GPR39: variants seen among roughly 807,000 people sequenced by gnomAD.
The protein encoded by GPR39 is G protein-coupled receptor 39.
In GPR39, 23 loss-of-function variants were observed where a neutral mutation model predicts 18.4. That is an observed-to-expected ratio of 1.25 (90% confidence interval 0.90 to 1.77). The LOEUF is 1.77. GPR39 is among the 40% of genes most tolerant of loss of function. The pLI, the probability that GPR39 is intolerant of heterozygous loss-of-function variation, is 0.00. For missense variants in GPR39, 647 were observed against 602.4 expected (o/e 1.07, Z -0.78); for synonymous variants, 280 against 257.9 (o/e 1.09, Z -0.82).
intron 1 of GPR39, among the ~76,000 whole-genome samples, chr2:132,522,264 T>G (rs1487692389): frequency 6.6e-6 from 1 of 152,098 alleles, no homozygotes; most frequent in East Asian, 1.9e-4. Flanking sequence ...AACTCATAAT[T>G]TTTCCTCTAA....
At chr2:132,553,204 C>A (rs1044270761) in intron 1 of GPR39, among the ~76,000 whole-genome samples, 1 of 151,556 alleles carries the variant, frequency 6.6e-6, no homozygotes, top group Non-Finnish European at 1.5e-5. Context: ...TGAGCCACCA[C>A]GCCCAGCCAC....
At chr2:132,620,547 C>G (rs911225104) in intron 1 of GPR39, among the ~76,000 whole-genome samples, 9 of 152,268 alleles carry the variant, frequency 5.9e-5, no homozygotes, top group Non-Finnish European at 8.8e-5. Flanking sequence ...CTCCTTCCCC[C>G]CTGCGTGGCT....
At chr2:132,517,775 A>G (rs1336435046) in intron 1 of GPR39, among the ~76,000 whole-genome samples, 3 of 152,242 alleles carry the variant, frequency 2.0e-5, no homozygotes, top group Admixed American at 1.3e-4. Context: ...ACCTCTTGCC[A>G]GGATTCTTGG....
rs141264993 is a variant in GPR39 at position 132,448,505 on chromosome 2, C to G, written c.856+30607C>G. On this transcript the variant is annotated intron_variant, in intron 1 of 1. Transcript: ENST00000329321. The stretch of plus-strand genomic sequence containing the variant: ...GTCGTCAGGTTACTGGGTGCTGACC[C>G]CTGGGATTTGTCAAACACACGTCAG... Among the ~76,000 whole-genome samples the G allele has an allele frequency of 3.2e-3, 491 of 152,266 alleles. 6 individuals are homozygous for G. Among genetic ancestry groups the G allele is most frequent in the African/African-American group, 0.011 (464 of 41,550 alleles).
At chr2:132,522,977 G>T (rs1679450790) in intron 1 of GPR39, among the ~76,000 whole-genome samples, 2 of 151,946 alleles carry the variant, frequency 1.3e-5, no homozygotes. Context: ...TGGAAGCCCT[G>T]GGGGACGAGG....
chr2:132,493,369 ATATATATACACACCG>A (rs1286604033), intron 1 of GPR39, among the ~76,000 whole-genome samples: 2 of 144,676 alleles, frequency 1.4e-5, no homozygotes, highest in South Asian at 2.1e-4. Context: ...TATATACACT[ATATATATACACACCG>A]TATATATACA....
chr2:132,645,271 C>G lies in GPR39; in HGVS notation c.1027C>G (p.Leu343Val), dbSNP rs1236717526. ...CCTCAGCTCGGTCATCAACCCGCTCCTGTACACGGTGTCCTCGCAGCAGTT... is the reference window on the plus strand; with the variant it reads ...CCTCAGCTCGGTCATCAACCCGCTCGTGTACACGGTGTCCTCGCAGCAGTT... ...FYLSSVINPL[L>V]YTVSSQQFRR... The change falls in exon 2 of 2, where the codon CTG becomes GTG. Residue 343 changes from leucine to valine, a missense_variant. Coordinates refer to ENST00000329321, the MANE Select transcript of GPR39 (RefSeq NM_001508.3). 1 of 1,614,228 alleles carries G rather than the reference C, an allele frequency of 6.2e-7. No individual in the cohort carries two copies. The highest frequency in any genetic ancestry group is 8.5e-7 in the Non-Finnish European group (1 of 1,180,034).
At chr2:132,575,552 T>C (rs998110724) in intron 1 of GPR39, among the ~76,000 whole-genome samples, 3 of 152,238 alleles carry the variant, frequency 2.0e-5, no homozygotes, top group Non-Finnish European at 2.9e-5. Flanking sequence ...GGTTGTACCA[T>C]ATCGCATTCC....
At chr2:132,555,429 G>A (rs1680132830) in intron 1 of GPR39, among the ~76,000 whole-genome samples, 1 of 152,170 alleles carries the variant, frequency 6.6e-6, no homozygotes, top group Non-Finnish European at 1.5e-5. Flanking sequence ...GTCATCCAAA[G>A]GCTTTCCTGG....
At chr2:132,492,311 A>G (rs1681486257) in intron 1 of GPR39, among the ~76,000 whole-genome samples, 1 of 132,456 alleles carries the variant, frequency 7.5e-6, no homozygotes, top group Non-Finnish European at 1.5e-5. Context: ...CCATATATAT[A>G]CCATATATAT....
At chr2:132,643,713 T>A (rs1274985320) in intron 1 of GPR39, among the ~76,000 whole-genome samples, 1 of 152,044 alleles carries the variant, frequency 6.6e-6, no homozygotes, top group East Asian at 1.9e-4. Context: ...AGAGATGGGG[T>A]CTTGCTATGT....
chr2:132,526,094 C>T (rs1040045458), intron 1 of GPR39, among the ~76,000 whole-genome samples: 1 of 152,098 alleles, frequency 6.6e-6, no homozygotes, highest in African/African-American at 2.4e-5. Flanking sequence ...AAACCTGGAC[C>T]AACCTGATAT....
chr2:132,605,287 A>T (rs934505839), intron 1 of GPR39, among the ~76,000 whole-genome samples: 2 of 152,140 alleles, frequency 1.3e-5, no homozygotes, highest in African/African-American at 4.8e-5. Context: ...AATGAAGTGG[A>T]TGTGGGTAGG....
chr2:132,481,492 A>G (rs1361382880), intron 1 of GPR39, among the ~76,000 whole-genome samples: 1 of 152,232 alleles, frequency 6.6e-6, no homozygotes, highest in Non-Finnish European at 1.5e-5. Flanking sequence ...TTCAAAGGCC[A>G]GGATCTGGGA....
chr2:132,566,388 A>C (rs1680350540), intron 1 of GPR39, among the ~76,000 whole-genome samples: 1 of 151,680 alleles, frequency 6.6e-6, no homozygotes, highest in African/African-American at 2.4e-5. Flanking sequence ...TTTGCTGTGC[A>C]GAAGCTCTTT....
Position 132,417,912 on chromosome 2 carries a change from C to G in GPR39, c.856+14C>G. The G allele has an allele frequency of 6.4e-7, 1 of 1,561,358 alleles. No homozygotes were observed. Among genetic ancestry groups the G allele is most frequent in the South Asian group, 1.2e-5 (1 of 85,786 alleles). The stretch of plus-strand genomic sequence containing the variant: ...TCATCTTCCTGAGTGAGTCCTAAGT[C>G]GGGGGCAACACGTGAGCAGCTTCCC... On this transcript the variant is annotated intron_variant, in intron 1 of 1. Transcript: ENST00000329321.
chr2:132,555,009 T>A (rs1016850162), intron 1 of GPR39, among the ~76,000 whole-genome samples: 2 of 151,896 alleles, frequency 1.3e-5, no homozygotes, highest in Non-Finnish European at 2.9e-5. Context: ...TGGAGTGCAG[T>A]GGCACAATCT....
At chr2:132,576,583 G>A (rs900663857) in intron 1 of GPR39, among the ~76,000 whole-genome samples, 4 of 152,162 alleles carry the variant, frequency 2.6e-5, no homozygotes, top group Admixed American at 1.3e-4. Flanking sequence ...ATCCCAGGAG[G>A]TGGAGGCTGC....
intron 1 of GPR39, among the ~76,000 whole-genome samples, chr2:132,513,126 T>C (rs891955726): frequency 6.6e-6 from 1 of 152,068 alleles, no homozygotes; most frequent in Non-Finnish European, 1.5e-5. Flanking sequence ...GTGTGACACA[T>C]GGTTGGGTTC....
Sources: allele counts gnomAD v4.1 joint callset (sites outside exome capture counted in the v4.1 genomes callset), GRCh38; gene constraint gnomAD v4.1.1; transcripts MANE v1.5; gene names NCBI Gene and HGNC (gene_info 2026-07-23, HGNC 2026-07-21).